The following FBXL19 variants were observed in gnomAD, a reference collection of about 807,000 sequenced individuals.
The protein encoded by FBXL19 is F-box and leucine rich repeat protein 19.
A neutral mutation model predicts 71.2 loss-of-function variants in FBXL19; 16 were observed. That is an observed-to-expected ratio of 0.22 (90% CI 0.15 to 0.34). The LOEUF (loss-of-function observed/expected upper bound fraction) is 0.34, where lower values mean the gene tolerates loss of function less well. Ranked by LOEUF, FBXL19 falls within the 10% of genes least tolerant of loss-of-function variation. FBXL19 has a pLI of 1.00. For synonymous variants in FBXL19, 447 were observed against 409.4 expected (o/e 1.09, Z -1.11); for missense variants, 658 against 968.2 (o/e 0.68, Z 4.25).
intron 7 of FBXL19, among the ~76,000 whole-genome samples, chr16:30,935,586 G>C (rs1270696691): frequency 6.6e-6 from 1 of 152,154 alleles, no homozygotes; most frequent in Non-Finnish European, 1.5e-5. Context: ...TCATGGTCGG[G>C]TAGGGTCTGG....
Position 30,930,025 on chromosome 16 carries a change from A to G in FBXL19, c.790-48A>G, listed in dbSNP as rs763791138. 3.2e-6 allele frequency: 5 copies of G among 1,568,914 alleles called. No individual in the cohort carries two copies. Among genetic ancestry groups the G allele is most frequent in the South Asian group, 1.2e-5 (1 of 84,696 alleles). On this transcript the variant is annotated intron_variant, in intron 6 of 10. Transcript: ENST00000338343. This position sits in a 1 kb window ranked among gnomAD's most constrained non-coding sequence, Gnocchi z 8.5. ...TGACTCCTCGGGGTAGGGGGGTGGG[A>G]AAATGTATCCCAGGCCCTAGAACAG...
chr16:30,930,555 C>T lies in FBXL19; in HGVS notation c.1272C>T (p.Cys424=). 2 of 1,473,840 alleles carry T rather than the reference C, an allele frequency of 1.4e-6. No individual in the cohort carries two copies. Among genetic ancestry groups the T allele is most frequent in the Non-Finnish European group, 8.9e-7 (1 of 1,119,980 alleles). The allele number at this position is 1,473,840 out of a possible 1,614,324, so 91.3% of individuals were successfully genotyped here. ...TCGGGCCGCGGGAGCTGTGTATCTGCATGCGAGTCTGCCGAACTTGGAGCC... is the reference window on the plus strand; with the variant it reads ...TCGGGCCGCGGGAGCTGTGTATCTGTATGCGAGTCTGCCGAACTTGGAGCC... ...QHLGPRELCI[C]MRVCRTWSRW... The change falls in exon 7 of 11, where the codon TGC becomes TGT. Residue 424 remains cysteine, a synonymous_variant. Coordinates refer to ENST00000338343, the MANE Select transcript of FBXL19 (RefSeq NM_001382779.1). The surrounding 1 kb of genome is among the most constrained non-coding windows in gnomAD (Gnocchi z 8.5).
At chr16:30,941,270 G>T (rs1345971819) in intron 7 of FBXL19, among the ~76,000 whole-genome samples, 1 of 152,096 alleles carries the variant, frequency 6.6e-6, no homozygotes, top group Non-Finnish European at 1.5e-5. Context: ...GAGGCCAGGA[G>T]ATCAAGACCA....
In FBXL19 at chr16:30,925,286, G is replaced by A. The variant is rs943324048; in HGVS notation, c.-24-445G>A. Among the ~76,000 whole-genome samples, 1 of 152,112 alleles carries A rather than the reference G, an allele frequency of 6.6e-6. No homozygotes were observed. The highest frequency in any genetic ancestry group is 2.4e-5 in the African/African-American group (1 of 41,416). ...CCGTCTAGGAATCTCTGGGTATCTG[G>A]GAGGTGAATCTGGGCAGTTTACCCC... On this transcript the variant is annotated intron_variant, in intron 1 of 10. Transcript: ENST00000338343. The surrounding 1 kb of genome is among the most constrained non-coding windows in gnomAD (Gnocchi z 5.0).
At chr16:30,944,238 AT>A (rs1227992925) in intron 9 of FBXL19, among the ~76,000 whole-genome samples, 2 of 113,362 alleles carry the variant, frequency 1.8e-5, no homozygotes, top group Non-Finnish European at 3.3e-5. Context: ...TCATGGGTAT[AT>A]GTGCAGGTTT....
chr16:30,933,431 G>T (rs1443438746), intron 7 of FBXL19, among the ~76,000 whole-genome samples: 1 of 152,000 alleles, frequency 6.6e-6, no homozygotes, highest in Non-Finnish European at 1.5e-5. Context: ...GAGCCACCTT[G>T]CCAGGCCTTA....
Position 30,942,361 on chromosome 16 carries a change from C to T in FBXL19, c.1466-14C>T, listed in dbSNP as rs751820524. 5.7e-5 allele frequency: 92 copies of T among 1,606,836 alleles called. No individual in the cohort carries two copies. Among genetic ancestry groups the T allele is most frequent in the Non-Finnish European group, 7.4e-5 (87 of 1,176,136 alleles). On this transcript the variant is annotated splice_polypyrimidine_tract_variant and intron_variant, in intron 8 of 10. Coordinates refer to ENST00000338343, the MANE Select transcript of FBXL19 (RefSeq NM_001382779.1). This position sits in a 1 kb window ranked among gnomAD's most constrained non-coding sequence, Gnocchi z 5.7. ...CCTCACAGCACCTGCTTCCTGACTG[C>T]CCCCTCTCCGCAGGCCTGCAGGAGC...
In FBXL19 at chr16:30,924,399, T is replaced by C; in HGVS notation, c.-85T>C. The C allele has an allele frequency of 4.8e-6, 1 of 210,464 alleles. No individual in the cohort carries two copies. Among genetic ancestry groups the C allele is most frequent in the African/African-American group, 2.3e-5 (1 of 43,386 alleles). The allele number at this position is 210,464 out of a possible 1,614,324, so 13.0% of individuals were successfully genotyped here. A position where few individuals can be genotyped will look rare whatever the true frequency, so the allele number is the denominator to read the frequency against. On this transcript the variant is annotated 5_prime_UTR_variant, in exon 1 of 11. It removes an upstream start codon present in the reference 5' UTR. Transcript: ENST00000338343. ...CGCCGCCCGGCCCCCCCGCCGCCGA[T>C]GGCCGCCGACCCGCCGGGAGCTGCC... is the stretch of plus-strand genomic sequence containing the variant.
At chr16:30,923,424 G>T (rs763127758), upstream of FBXL19, among the ~76,000 whole-genome samples, 25 of 151,534 alleles carry the variant, frequency 1.6e-4, no homozygotes, top group Non-Finnish European at 3.5e-4. Flanking sequence ...TACAACTCCC[G>T]TCGAGCCCTG....
Position 30,924,385 on chromosome 16 carries a change from C to G in FBXL19, c.-99C>G, listed in dbSNP as rs867719666. 6.7e-5 allele frequency: 13 copies of G among 193,968 alleles called. No individual in the cohort carries two copies. The East Asian group carries it at 1.4e-3, about 21-fold the overall frequency. 12.0% of individuals were successfully genotyped at this position (193,968 alleles called of 1,614,324 possible). On this transcript the variant is annotated 5_prime_UTR_variant, in exon 1 of 11. Transcript: ENST00000338343. ...CGTTCCGCGCCCCGCGCCGCCCGGC[C>G]CCCCCGCCGCCGATGGCCGCCGACC...
chr16:30,940,239 C>T (rs2055786753), intron 7 of FBXL19, among the ~76,000 whole-genome samples: 1 of 146,962 alleles, frequency 6.8e-6, no homozygotes, highest in African/African-American at 2.5e-5. Flanking sequence ...GCCTGGGCAA[C>T]AAGAGCGAAA....
intron 9 of FBXL19, among the ~76,000 whole-genome samples, chr16:30,945,997 G>T (rs2055854936): frequency 6.6e-6 from 1 of 151,798 alleles, no homozygotes; most frequent in South Asian, 2.1e-4. Context: ...TTGCTATAAA[G>T]AAATACCTTC....
Position 30,927,576 on chromosome 16 carries a change from G to A in FBXL19, c.325G>A (p.Gly109Arg). ...EIVHPGCLKM[G>R]KAEGVINAEI... ...CTCACTGCCCTCCTGCCTACAGATG[G>A]GGAAGGCTGAGGGTGTCATCAATGC... The change falls in exon 4 of 11, where the codon GGG (glycine) becomes AGG (arginine). Residue 109 changes from glycine to arginine, a missense_variant. Physicochemically the swap from Gly to Arg is moderately radical, Grantham distance 125. Coordinates refer to ENST00000338343, the MANE Select transcript of FBXL19 (RefSeq NM_001382779.1). 1 of 1,557,954 alleles carries A rather than the reference G, an allele frequency of 6.4e-7. No individual in the cohort carries two copies. The highest frequency in any genetic ancestry group is 8.7e-7 in the Non-Finnish European group (1 of 1,150,722).
intron 1 of FBXL19, chr16:30,924,901 G>A: frequency 1.6e-6 from 1 of 616,602 alleles, no homozygotes; most frequent in African/African-American, 1.9e-5. Flanking sequence ...GAAGCTGGGG[G>A]TCCTAGGACT....
intron 6 of FBXL19, among the ~76,000 whole-genome samples, chr16:30,928,967 A>C (rs1019140023): frequency 2.6e-5 from 4 of 152,148 alleles, no homozygotes; most frequent in Non-Finnish European, 4.4e-5. Context: ...TAGTTTCTTT[A>C]TCCATGTAGT....
intron 6 of FBXL19, 118 bp downstream of exon 6, chr16:30,928,746 G>A (rs1183165052): frequency 1.4e-5 from 11 of 794,130 alleles, no homozygotes; most frequent in Admixed American, 4.3e-5. Context: ...ACTTGGCCAC[G>A]GTGGGTGTCC....
chr16:30,934,811 A>G (rs1197397964), intron 7 of FBXL19, among the ~76,000 whole-genome samples: 5 of 152,230 alleles, frequency 3.3e-5, no homozygotes, highest in Non-Finnish European at 5.9e-5. Context: ...TAAAGAGCTC[A>G]GATGACTGAC....
In FBXL19 at chr16:30,947,476, A is replaced by G. The variant is rs2055873244; in HGVS notation, c.*246A>G. The G allele has an allele frequency of 5.9e-6, 3 of 507,028 alleles. No homozygotes were observed. The highest frequency in any genetic ancestry group is 7.0e-6 in the Non-Finnish European group (2 of 284,292). The allele number at this position is 507,028 out of a possible 1,614,324, so 31.4% of individuals were successfully genotyped here. Reference sequence around the variant, plus strand: ...TGCTTCATTGTCCATCCCCTGGGGGAGTGGGTCAGAGGTACTGGAGGGTGC... The same window carrying G: ...TGCTTCATTGTCCATCCCCTGGGGGGGTGGGTCAGAGGTACTGGAGGGTGC... On this transcript the variant is annotated 3_prime_UTR_variant, in exon 11 of 11. Coordinates refer to ENST00000338343, the MANE Select transcript of FBXL19 (RefSeq NM_001382779.1).
chr16:30,927,996 C>G (rs1319464425), intron 5 of FBXL19, 33 bp downstream of exon 5: 2 of 1,363,572 alleles, frequency 1.5e-6, no homozygotes, highest in South Asian at 1.5e-5. Context: ...TAGGCTTGTC[C>G]TGAGGAATTC....
Sources: gnomAD v4.1 joint callset for allele counts (sites outside exome capture counted in the v4.1 genomes callset) on GRCh38, gnomAD v4.1.1 for gene constraint, Gnocchi (gnomAD v3.1) non-coding constraint, MANE v1.5 for transcripts, NCBI Gene and HGNC (gene_info 2026-07-23, HGNC 2026-07-21) for gene names.